The following PLEKHH1 variants were observed in gnomAD, a reference collection of about 807,000 sequenced individuals.
PLEKHH1 encodes pleckstrin homology domain-containing family H member 1.
In PLEKHH1, 104 loss-of-function variants were observed where a neutral mutation model predicts 160.0. The ratio of observed to expected loss-of-function variants is 0.65; its 90% CI spans 0.55 to 0.76. The LOEUF (loss-of-function observed/expected upper bound fraction) is 0.76. PLEKHH1 is among the 30% of genes least tolerant of loss of function. PLEKHH1 has a pLI of 0.00. For missense variants in PLEKHH1, 1,427 were observed against 1,724.1 expected (o/e 0.83, Z 3.05); for synonymous variants, 619 against 678.4 (o/e 0.91, Z 1.36).
At chr14:67,547,116 A>G (rs76576927) in intron 2 of PLEKHH1, among the ~76,000 whole-genome samples, 1 of 152,114 alleles carries the variant, frequency 6.6e-6, no homozygotes, top group East Asian at 1.9e-4. Context: ...GAATGTCTTC[A>G]CATGGAAATG....
intron 7 of PLEKHH1, 84 bp from the exon 8 acceptor site, chr14:67,569,053 AG>A: frequency 1.1e-6 from 1 of 922,086 alleles, no homozygotes; most frequent in Non-Finnish European, 1.7e-6. Context: ...CCACCCCCAA[AG>A]CCATGCTTTT....
chr14:67,547,748 A>T (rs1406221632), intron 2 of PLEKHH1, among the ~76,000 whole-genome samples: 1 of 152,202 alleles, frequency 6.6e-6, no homozygotes, highest in East Asian at 1.9e-4. Flanking sequence ...TCCTACCTTG[A>T]CACAGTCTAC....
chr14:67,559,784 C>G, intron 5 of PLEKHH1, 93 bp downstream of exon 5: 2 of 761,010 alleles, frequency 2.6e-6, no homozygotes, highest in East Asian at 2.7e-5. Flanking sequence ...TCTAGGGTGC[C>G]TCGGCTGACC....
chr14:67,548,526 C>T (rs945563746), intron 2 of PLEKHH1, among the ~76,000 whole-genome samples: 7 of 152,020 alleles, frequency 4.6e-5, no homozygotes, highest in Admixed American at 2.6e-4. Context: ...GGAGAAACCC[C>T]GTCTCTACTA....
intron 1 of PLEKHH1, among the ~76,000 whole-genome samples, chr14:67,540,641 AT>A (rs1326057916): frequency 6.6e-6 from 1 of 151,306 alleles, no homozygotes; most frequent in Admixed American, 6.6e-5. Flanking sequence ...AAAAAAAAAA[AT>A]TATCACCCTA....
In PLEKHH1 at chr14:67,586,004, G is replaced by A. The variant is rs762231888; in HGVS notation, c.3840G>A (p.Arg1280=). ...CAGTGACAACGTTTGGTGGCTGCAG[G>A]GATGACTTCATGCTTGTGATTAGAT... ...YSSVTTFGGC[R]DDFMLVIRSI... The change falls in exon 28 of 29, where the codon AGG becomes AGA. Residue 1280 remains arginine, a synonymous_variant. Coordinates refer to ENST00000329153, the MANE Select transcript of PLEKHH1 (RefSeq NM_020715.3). 1.2e-6 allele frequency: 2 copies of A among 1,613,880 alleles called. No individual in the cohort carries two copies. Among genetic ancestry groups the A allele is most frequent in the Non-Finnish European group, 1.7e-6 (2 of 1,179,830 alleles).
chr14:67,583,853 A>G lies in PLEKHH1; in HGVS notation c.3539A>G (p.Tyr1180Cys). ...QVLDRFHPRRYRHGAPAEQLR... is the reference protein window; with the variant it reads ...QVLDRFHPRRCRHGAPAEQLR... ...CTAGACAGGTTCCACCCCAGGCGCT[A>G]TAGACATGGGGCCCCCGCTGAACAG... is the stretch of plus-strand genomic sequence containing the variant. Residue 1180 changes from tyrosine (Y) to cysteine (C), a missense_variant, in exon 25 of 29, where the codon TAT becomes TGT. Transcript: ENST00000329153. The G allele has an allele frequency of 1.9e-6, 3 of 1,613,674 alleles. No individual in the cohort carries two copies. Among genetic ancestry groups the G allele is most frequent in the African/African-American group, 1.3e-5 (1 of 75,036 alleles).
rs1385741053 is a variant in PLEKHH1, at chr14:67,589,006, T to C, written c.*1771T>C. The C allele has an allele frequency of 6.6e-6, 1 of 152,644 alleles. No homozygotes were observed. Among genetic ancestry groups the C allele is most frequent in the African/African-American group, 2.4e-5 (1 of 41,448 alleles). The allele number at this position is 152,644 out of a possible 1,614,324, so 9.5% of individuals were successfully genotyped here. A position where few individuals can be genotyped will look rare whatever the true frequency, so the allele number is the denominator to read the frequency against. On this transcript the variant is annotated 3_prime_UTR_variant, in exon 29 of 29. Transcript: ENST00000329153. ...ACAACTTGGGGATCTAGCTGAGACA[T>C]TTCTACCTCGAACAAGTCACATGTA...
chr14:67,572,429 C>T (rs966316410), intron 11 of PLEKHH1, among the ~76,000 whole-genome samples, 152 bp downstream of exon 11: 1 of 151,886 alleles, frequency 6.6e-6, no homozygotes, highest in Non-Finnish European at 1.5e-5. Context: ...GGGGGGTGTA[C>T]AGTTATGGAG....
intron 2 of PLEKHH1, among the ~76,000 whole-genome samples, chr14:67,542,312 G>T (rs1267183267): frequency 1.3e-5 from 2 of 152,172 alleles, no homozygotes; most frequent in African/African-American, 4.8e-5. Context: ...CTCAGTGTGG[G>T]GAAGGACGGT....
chr14:67,572,256 C>T lies in PLEKHH1; in HGVS notation c.1707C>T (p.Thr569=), dbSNP rs371330818. 4.2e-5 allele frequency: 67 copies of T among 1,603,958 alleles called. No homozygotes were observed. The highest frequency in any genetic ancestry group is 2.1e-4 in the African/African-American group (16 of 74,870). Residue 569 remains threonine (T), a synonymous_variant, in exon 11 of 29, where the codon ACC becomes ACT. Coordinates refer to ENST00000329153, the MANE Select transcript of PLEKHH1 (RefSeq NM_020715.3). ...HKLQRTSSYS[T]DGLGLGGESL... is the part of the protein sequence containing the mutation. ...TGCAGCGCACCTCATCCTACTCCAC[C>T]GACGGGCTGGGCCTGGGCGGGGTGA...
chr14:67,536,063 G>A (rs958445399), intron 1 of PLEKHH1, among the ~76,000 whole-genome samples: 2 of 152,176 alleles, frequency 1.3e-5, no homozygotes, highest in African/African-American at 4.8e-5. Flanking sequence ...TGGGATCTTA[G>A]GTACTAAGCT....
chr14:67,588,646 G>A lies in PLEKHH1; in HGVS notation c.*1411G>A, dbSNP rs541518592. On this transcript the variant is annotated 3_prime_UTR_variant, in exon 29 of 29. Coordinates refer to ENST00000329153, the MANE Select transcript of PLEKHH1 (RefSeq NM_020715.3). ...AACAAAACGAAAGAGTTCATACTCT[G>A]ATTTTCCAACATCTAGGAAACTGAG... The A allele has an allele frequency of 6.6e-6, 1 of 152,326 alleles. No homozygotes were observed. The highest frequency in any genetic ancestry group is 2.1e-4 in the South Asian group (1 of 4,814). The allele number at this position is 152,326 out of a possible 1,614,324, so 9.4% of individuals were successfully genotyped here. A position where few individuals can be genotyped will look rare whatever the true frequency, so the allele number is the denominator to read the frequency against.
At chr14:67,549,493 A>G (rs1297832098) in intron 2 of PLEKHH1, among the ~76,000 whole-genome samples, 1 of 150,878 alleles carries the variant, frequency 6.6e-6, no homozygotes, top group African/African-American at 2.4e-5. Context: ...CTGGTCTTGA[A>G]CTCCAGACCT....
chr14:67,537,382 A>AATAATAAT lies in PLEKHH1; in HGVS notation c.-35+3985_-35+3986insTAATAATA, dbSNP rs1566718826. On this transcript the variant is annotated intron_variant, in intron 1 of 28. Coordinates refer to ENST00000329153, the MANE Select transcript of PLEKHH1 (RefSeq NM_020715.3). ...ATAATAATAATAATAATAATAATAAAAACTTAATCTTAGGCTGGGCGCAGT... is the reference window on the plus strand; with the variant it reads ...ATAATAATAATAATAATAATAATAAAATAATAATAACTTAATCTTAGGCTGGGCGCAGT... Among the ~76,000 whole-genome samples the AATAATAAT allele has an allele frequency of 1.4e-3, 130 of 93,448 alleles. 3 individuals carry two copies. The highest frequency in any genetic ancestry group is 6.6e-3 in the South Asian group (19 of 2,900). The allele number at this position is 93,448 out of a possible 152,430, so 61.3% of individuals were successfully genotyped here.
chr14:67,578,520 T>A lies in PLEKHH1; in HGVS notation c.2752-14T>A. 1 of 1,586,182 alleles carries A rather than the reference T, an allele frequency of 6.3e-7. No homozygotes were observed. The highest frequency in any genetic ancestry group is 8.6e-7 in the Non-Finnish European group (1 of 1,159,218). Reference sequence around the variant, plus strand: ...GGCCCAGCACTCACCCCACGCTGTCTGTGTCCCTGGCAGTGCTGGCAGCTC... The same window carrying A: ...GGCCCAGCACTCACCCCACGCTGTCAGTGTCCCTGGCAGTGCTGGCAGCTC... On this transcript the variant is annotated splice_polypyrimidine_tract_variant and intron_variant, in intron 19 of 28. Transcript: ENST00000329153. The surrounding 1 kb of genome is among the most constrained non-coding windows in gnomAD (Gnocchi z 5.0).
In PLEKHH1 at chr14:67,578,751, G is replaced by A. The variant is rs1239372193; in HGVS notation, c.2849+120G>A. ...TCCTGTCCTCTGAAACCGCTCAGTG[G>A]TCGTGGAGACTTCACCCATTGCCGT... On this transcript the variant is annotated intron_variant, in intron 20 of 28. Transcript: ENST00000329153. This position sits in a 1 kb window ranked among gnomAD's most constrained non-coding sequence, Gnocchi z 5.0. The A allele has an allele frequency of 2.8e-6, 2 of 719,204 alleles. No homozygotes were observed. The highest frequency in any genetic ancestry group is 5.0e-6 in the Non-Finnish European group (2 of 401,824). 44.6% of individuals were successfully genotyped at this position (719,204 alleles called of 1,614,324 possible).
intron 9 of PLEKHH1, 88 bp from the exon 10 acceptor site, chr14:67,571,664 G>T: frequency 7.2e-7 from 1 of 1,396,228 alleles, no homozygotes; most frequent in Non-Finnish European, 1.0e-6. Flanking sequence ...CCACACCATG[G>T]GCACTTGGAC....
intron 2 of PLEKHH1, among the ~76,000 whole-genome samples, chr14:67,548,557 C>A (rs1429573440): frequency 6.6e-6 from 1 of 152,016 alleles, no homozygotes; most frequent in Admixed American, 6.5e-5. Context: ...ATTAGCCAGG[C>A]ATGGTGGTGC....
Sources: allele counts gnomAD v4.1 joint callset (sites outside exome capture counted in the v4.1 genomes callset), GRCh38; gene constraint gnomAD v4.1.1; non-coding constraint Gnocchi (gnomAD v3.1); transcripts MANE v1.5; gene names NCBI Gene and HGNC (gene_info 2026-07-23, HGNC 2026-07-21).